The following PTGFRN variants were observed in gnomAD, a reference collection of about 807,000 sequenced individuals.
The protein encoded by PTGFRN is prostaglandin F2 receptor inhibitor, also known as prostaglandin F2 receptor negative regulator.
A neutral mutation model predicts 83.2 loss-of-function variants in PTGFRN; 35 were observed. That is an observed-to-expected ratio of 0.42 (90% CI 0.32 to 0.56). The LOEUF is 0.56. PTGFRN is among the 20% of genes least tolerant of loss of function. PTGFRN has a pLI of 0.11. For missense variants in PTGFRN, 1,051 were observed against 1,179.5 expected, an observed-to-expected ratio of 0.89 and a Z score of 1.60; for synonymous variants, 519 against 498.6, an observed-to-expected ratio of 1.04 and a Z score of -0.55.
rs773577829 is a variant in PTGFRN at position 116,986,904 on chromosome 1, TAAG to T, written c.2581_2583del (p.Lys861del). 6.2e-7 allele frequency: 1 copy of T among 1,614,204 alleles called. No individual in the cohort carries two copies. Among genetic ancestry groups the T allele is most frequent in the South Asian group, 1.1e-5 (1 of 91,088 alleles). On this transcript the variant is annotated inframe_deletion, in exon 9 of 9. Coordinates refer to ENST00000393203, the MANE Select transcript of PTGFRN (RefSeq NM_020440.4). ...GGTACTGCAGCTCCCACTGGTGTTG[TAAG>T]AAGGAGGTTCAGGAGACACGGCGCG...
At chr1:116,973,253 G>A (rs1651054446) in intron 6 of PTGFRN, among the ~76,000 whole-genome samples, 1 of 152,062 alleles carries the variant, frequency 6.6e-6, no homozygotes, top group South Asian at 2.1e-4. Context: ...TAGGTTCCCA[G>A]CTTTTCAGCA....
At chr1:116,935,156 T>G (rs753713033) in intron 1 of PTGFRN, among the ~76,000 whole-genome samples, 2 of 152,190 alleles carry the variant, frequency 1.3e-5, no homozygotes, top group Non-Finnish European at 2.9e-5. Flanking sequence ...GGGAAAACAA[T>G]GTAGTATGTC....
chr1:116,934,394 G>A (rs1296898043), intron 1 of PTGFRN, among the ~76,000 whole-genome samples: 2 of 152,164 alleles, frequency 1.3e-5, no homozygotes, highest in African/African-American at 4.8e-5. Flanking sequence ...CAGTCCTCCT[G>A]TCTCAGCCTC....
intron 7 of PTGFRN, among the ~76,000 whole-genome samples, chr1:116,977,334 A>G (rs1247786420): frequency 6.6e-6 from 1 of 152,212 alleles, no homozygotes; most frequent in African/African-American, 2.4e-5. Flanking sequence ...GTTAACAAGG[A>G]TGTCCAGGAA....
At chr1:116,950,636 G>C (rs867315579) in intron 4 of PTGFRN, among the ~76,000 whole-genome samples, 3 of 151,866 alleles carry the variant, frequency 2.0e-5, no homozygotes, top group Non-Finnish European at 4.4e-5. Flanking sequence ...TGGCATATTC[G>C]CTCTCCTTTT....
At chr1:116,960,061 A>G (rs1650604326) in intron 4 of PTGFRN, among the ~76,000 whole-genome samples, 2 of 152,232 alleles carry the variant, frequency 1.3e-5, no homozygotes, top group South Asian at 4.1e-4. Context: ...CCTACTGCAT[A>G]AAAGGCAGTG....
chr1:116,934,410 G>A (rs1032020959), intron 1 of PTGFRN, among the ~76,000 whole-genome samples: 2 of 152,176 alleles, frequency 1.3e-5, no homozygotes, highest in African/African-American at 4.8e-5. Context: ...GCCTCCCAGT[G>A]TGCTGGGATT....
chr1:116,986,974 C>G lies in PTGFRN; in HGVS notation c.*7C>G. 1 of 1,614,028 alleles carries G rather than the reference C, an allele frequency of 6.2e-7. No homozygotes were observed. On this transcript the variant is annotated 3_prime_UTR_variant, in exon 9 of 9. Coordinates refer to ENST00000393203, the MANE Select transcript of PTGFRN (RefSeq NM_020440.4). ...GTCGATGGAGATGGACTAGGCTGGC[C>G]CGGGAGGGGAGTGACAGAGGGACGT...
chr1:116,937,740 GA>G (rs1277113973), intron 1 of PTGFRN, among the ~76,000 whole-genome samples: 1 of 152,154 alleles, frequency 6.6e-6, no homozygotes, highest in Non-Finnish European at 1.5e-5. Context: ...GAATGGAAAA[GA>G]TTAACACATT....
chr1:116,945,563 T>C (rs1432567822), intron 3 of PTGFRN, among the ~76,000 whole-genome samples: 1 of 152,112 alleles, frequency 6.6e-6, no homozygotes, highest in Non-Finnish European at 1.5e-5. Context: ...TCCCAAAACC[T>C]TTCATCTAAC....
chr1:116,967,673 G>A (rs1012181313), intron 6 of PTGFRN, among the ~76,000 whole-genome samples: 1 of 152,160 alleles, frequency 6.6e-6, no homozygotes, highest in African/African-American at 2.4e-5. Flanking sequence ...CACATAAATG[G>A]AATATAATAT....
chr1:116,915,829 C>CTTTA (rs1428400654), intron 1 of PTGFRN, among the ~76,000 whole-genome samples: 1 of 152,202 alleles, frequency 6.6e-6, no homozygotes, highest in African/African-American at 2.4e-5. Context: ...GCATTGGTTT[C>CTTTA]TTAAAGGCAG....
At chr1:116,984,589 T>C in intron 7 of PTGFRN, 91 bp from the exon 8 acceptor site, 1 of 1,272,026 alleles carries the variant, frequency 7.9e-7, no homozygotes, top group Admixed American at 2.0e-5. Flanking sequence ...GTGCTTGCCA[T>C]ACGTAGTAAG....
At chr1:116,977,687 CA>C (rs1320036122) in intron 7 of PTGFRN, among the ~76,000 whole-genome samples, 2 of 152,136 alleles carry the variant, frequency 1.3e-5, no homozygotes, top group Non-Finnish European at 2.9e-5. Flanking sequence ...AACAAAGACA[CA>C]ACATACCAGA....
chr1:116,924,039 A>G (rs1649596558), intron 1 of PTGFRN, among the ~76,000 whole-genome samples: 1 of 152,066 alleles, frequency 6.6e-6, no homozygotes. Flanking sequence ...AAGGGAGAGC[A>G]TTCTGGGAGT....
rs6589 is a variant in PTGFRN at position 116,990,269 on chromosome 1, T to C, written c.*3302T>C. 0.093 allele frequency: 14,273 copies of C among 152,758 alleles called. 802 individuals are homozygous for C. Among genetic ancestry groups the C allele is most frequent in the African/African-American group, 0.15 (6,253 of 41,562 alleles). The allele number at this position is 152,758 out of a possible 1,614,324, so 9.5% of individuals were successfully genotyped here. A position where few individuals can be genotyped will look rare whatever the true frequency, so the allele number is the denominator to read the frequency against. On this transcript the variant is annotated 3_prime_UTR_variant, in exon 9 of 9. Transcript: ENST00000393203. ...TGTCCATATCCAATGTTATATGAAC[T>C]AATTGTATTGTTTTATACTGTGACC...
At chr1:116,942,588 A>G (rs1650090722) in intron 2 of PTGFRN, among the ~76,000 whole-genome samples, 2 of 152,192 alleles carry the variant, frequency 1.3e-5, no homozygotes, top group Admixed American at 6.5e-5. Flanking sequence ...GGTCATGTTA[A>G]TGATGCTCAG....
At chr1:116,957,881 C>T (rs1465301698) in intron 4 of PTGFRN, among the ~76,000 whole-genome samples, 1 of 152,138 alleles carries the variant, frequency 6.6e-6, no homozygotes, top group Non-Finnish European at 1.5e-5. Flanking sequence ...TCTTTCTGTG[C>T]CTGGCTTATT....
intron 7 of PTGFRN, among the ~76,000 whole-genome samples, chr1:116,980,526 T>A (rs1218534612): frequency 6.6e-6 from 1 of 152,098 alleles, no homozygotes; most frequent in Non-Finnish European, 1.5e-5. Flanking sequence ...TATGCAGCCA[T>A]AAAAAAGGAT....
Sources: gnomAD v4.1 joint callset for allele counts (sites outside exome capture counted in the v4.1 genomes callset) on GRCh38, gnomAD v4.1.1 for gene constraint, MANE v1.5 for transcripts, NCBI Gene and HGNC (gene_info 2026-07-23, HGNC 2026-07-21) for gene names.